ZFAND4: variants seen among roughly 807,000 people sequenced by gnomAD.
The protein encoded by ZFAND4 is AN1-type zinc finger protein 4.
In ZFAND4, 43 loss-of-function variants were observed where a neutral mutation model predicts 64.4. The observed-to-expected ratio is 0.67, with a 90% confidence interval of 0.52 to 0.86. The LOEUF (loss-of-function observed/expected upper bound fraction) is 0.86. ZFAND4 is among the 40% of genes least tolerant of loss of function. The pLI, the probability that ZFAND4 is intolerant of heterozygous loss-of-function variation, is 0.00. For missense variants in ZFAND4, 929 were observed against 859.8 expected (o/e 1.08, Z -1.01); for synonymous variants, 296 against 305.7 (o/e 0.97, Z 0.33).
At chr10:45,639,617 T>C in intron 6 of ZFAND4, 199 bp downstream of exon 6, 1 of 403,184 alleles carries the variant, frequency 2.5e-6, no homozygotes, top group Non-Finnish European at 4.2e-6. Flanking sequence ...TGATGTTAAG[T>C]GCAGTATAAT....
At chr10:45,628,145 T>TA (rs1436542711) in intron 6 of ZFAND4, among the ~76,000 whole-genome samples, 1 of 152,132 alleles carries the variant, frequency 6.6e-6, no homozygotes, top group Non-Finnish European at 1.5e-5. Context: ...GCAAAAATGG[T>TA]AGCAAGCAGG....
intron 3 of ZFAND4, 55 bp downstream of exon 3, chr10:45,652,929 T>C (rs1268313484): frequency 7.6e-7 from 1 of 1,323,492 alleles, no homozygotes; most frequent in Non-Finnish European, 1.1e-6. Flanking sequence ...AACATTAGCA[T>C]ATGGAGTCAT....
intron 2 of ZFAND4, 58 bp downstream of exon 2, chr10:45,663,484 G>A: frequency 7.5e-7 from 1 of 1,328,212 alleles, no homozygotes; most frequent in Non-Finnish European, 1.0e-6. Context: ...AAAACTACTA[G>A]ACATTATTGA....
chr10:45,656,189 C>T (rs1052319549), intron 2 of ZFAND4, among the ~76,000 whole-genome samples: 26 of 152,152 alleles, frequency 1.7e-4, no homozygotes, highest in African/African-American at 5.5e-4. Flanking sequence ...TGAGATCGCA[C>T]CACTGCACTC....
rs146172996 is a variant in ZFAND4 at position 45,625,998 on chromosome 10, T to G, written c.1825A>C (p.Asn609His). ...STNLQHFQEENFRKSSPQLEH... is the reference protein window; with the variant it reads ...STNLQHFQEEHFRKSSPQLEH... ...AACTGGGGAGAACTTTTCCTAAAGT[T>G]TTCTTCCTGAAAATGCTGGAGGTTT... The change falls in exon 7 of 10, where the codon AAC (asparagine) becomes CAC (histidine). Residue 609 changes from asparagine to histidine, a missense_variant. Asn to His is a moderately conservative substitution (Grantham distance 68). Transcript: ENST00000344646. 1.3e-4 allele frequency: 216 copies of G among 1,614,024 alleles called. No homozygotes were observed. Among genetic ancestry groups the G allele is most frequent in the Non-Finnish European group, 1.8e-4 (208 of 1,180,040 alleles).
chr10:45,665,758 A>C (rs1300008933), intron 1 of ZFAND4, among the ~76,000 whole-genome samples: 1 of 152,224 alleles, frequency 6.6e-6, no homozygotes, highest in Non-Finnish European at 1.5e-5. Flanking sequence ...CTAGGCAACC[A>C]CTAATCTACT....
At chr10:45,649,686 C>T (rs1438472759) in intron 4 of ZFAND4, 1 of 152,198 alleles carries the variant, frequency 6.6e-6, no homozygotes, top group South Asian at 2.1e-4. Flanking sequence ...TTTCACAGGC[C>T]CAAAATGTAT....
At chr10:45,659,272 T>C (rs2048323882) in intron 2 of ZFAND4, among the ~76,000 whole-genome samples, 1 of 152,214 alleles carries the variant, frequency 6.6e-6, no homozygotes. Context: ...GATTACAGAA[T>C]GTTCCCCCTC....
At chr10:45,625,269 G>A (rs762088190) in intron 7 of ZFAND4, among the ~76,000 whole-genome samples, 5 of 150,854 alleles carry the variant, frequency 3.3e-5, no homozygotes, top group Non-Finnish European at 7.4e-5. Flanking sequence ...TCAGGAGATC[G>A]AGACCATCCT....
intron 5 of ZFAND4, among the ~76,000 whole-genome samples, chr10:45,643,216 G>A (rs61854156): frequency 0.24 from 35,462 of 150,716 alleles, 4,631 homozygotes; most frequent in Admixed American, 0.3. Flanking sequence ...CACCACGCCC[G>A]GCCTCAAATC....
At chr10:45,632,178 C>A (rs1469468250) in intron 6 of ZFAND4, among the ~76,000 whole-genome samples, 1 of 152,076 alleles carries the variant, frequency 6.6e-6, no homozygotes, top group Non-Finnish European at 1.5e-5. Context: ...CATGGTGAAA[C>A]CCCGTCTCTA....
chr10:45,637,737 G>A (rs1050860179), intron 6 of ZFAND4, among the ~76,000 whole-genome samples: 7 of 151,860 alleles, frequency 4.6e-5, no homozygotes, highest in Non-Finnish European at 5.9e-5. Flanking sequence ...GCAACAGGGC[G>A]AGACTCTGTC....
intron 1 of ZFAND4, among the ~76,000 whole-genome samples, chr10:45,671,315 C>T (rs1564646227): frequency 2.6e-5 from 4 of 152,312 alleles, no homozygotes; most frequent in African/African-American, 7.2e-5. Context: ...TTTGACCCAG[C>T]GATCCCATTA....
At chr10:45,620,665 C>G (rs1335307576) in intron 8 of ZFAND4, 2 of 152,128 alleles carry the variant, frequency 1.3e-5, no homozygotes, top group African/African-American at 4.8e-5. Flanking sequence ...ATTGATTCCC[C>G]ACTATAAACA....
chr10:45,667,170 A>G (rs189530646), intron 1 of ZFAND4, among the ~76,000 whole-genome samples: 69 of 152,268 alleles, frequency 4.5e-4, no homozygotes, highest in Non-Finnish European at 4.3e-4. Flanking sequence ...TTAAAGCACA[A>G]GTTTTGTTCT....
intron 8 of ZFAND4, among the ~76,000 whole-genome samples, chr10:45,622,160 T>C (rs1041038214): frequency 3.9e-5 from 6 of 152,286 alleles, no homozygotes; most frequent in South Asian, 2.1e-4. Flanking sequence ...AACAGACACA[T>C]AGACCAATGA....
chr10:45,629,259 C>T (rs2046048984), intron 6 of ZFAND4, among the ~76,000 whole-genome samples: 1 of 151,914 alleles, frequency 6.6e-6, no homozygotes, highest in Admixed American at 6.6e-5. Context: ...GATGGGGTCT[C>T]CCTATGTTGA....
intron 5 of ZFAND4, among the ~76,000 whole-genome samples, chr10:45,645,997 C>A (rs907900753): frequency 6.6e-6 from 1 of 152,064 alleles, no homozygotes; most frequent in Non-Finnish European, 1.5e-5. Context: ...AAAAAAATTT[C>A]TAAGATAAAA....
intron 8 of ZFAND4, among the ~76,000 whole-genome samples, chr10:45,622,509 C>G (rs2045503619): frequency 6.6e-6 from 1 of 150,660 alleles, no homozygotes; most frequent in Non-Finnish European, 1.5e-5. Context: ...CCTAATGTGT[C>G]AGGCATCGGA....
Sources: allele counts gnomAD v4.1 joint callset (sites outside exome capture counted in the v4.1 genomes callset), GRCh38; gene constraint gnomAD v4.1.1; transcripts MANE v1.5; gene names NCBI Gene and HGNC (gene_info 2026-07-23, HGNC 2026-07-21).